TPH2: variants seen among roughly 807,000 people sequenced by gnomAD.
The protein encoded by TPH2 is tryptophan 5-hydroxylase 2.
A neutral mutation model predicts 59.1 loss-of-function variants in TPH2; 27 were observed. That is an observed-to-expected ratio of 0.46 (90% CI 0.34 to 0.63). The LOEUF (loss-of-function observed/expected upper bound fraction) is 0.63. Among genes scored for constraint, TPH2 ranks in the 30% least tolerant of loss-of-function variants. The pLI is 0.01. For missense variants in TPH2, 523 were observed against 588.3 expected (o/e 0.89, Z 1.15); for synonymous variants, 220 against 210.5 (o/e 1.05, Z -0.39).
chr12:72,025,877 G>A (rs956083254), intron 9 of TPH2, among the ~76,000 whole-genome samples: 15 of 151,982 alleles, frequency 9.9e-5, no homozygotes, highest in African/African-American at 2.4e-4. Flanking sequence ...TATGTCTATC[G>A]TTTTTTTGAT....
chr12:71,991,094 A>C (rs138868917), intron 7 of TPH2, among the ~76,000 whole-genome samples: 1 of 152,338 alleles, frequency 6.6e-6, no homozygotes, highest in African/African-American at 2.4e-5. Flanking sequence ...AGTGAGTTAC[A>C]GGTTTCTGAT....
chr12:71,949,245 G>A (rs1871280280), intron 4 of TPH2, among the ~76,000 whole-genome samples: 2 of 152,150 alleles, frequency 1.3e-5, no homozygotes, highest in Admixed American at 1.3e-4. Context: ...TTAATGAATA[G>A]GATAGGATTA....
chr12:72,023,440 C>A (rs1873478032), intron 9 of TPH2, among the ~76,000 whole-genome samples: 1 of 152,124 alleles, frequency 6.6e-6, no homozygotes, highest in African/African-American at 2.4e-5. Flanking sequence ...TTCATTCATT[C>A]ATTCATTCAT....
intron 8 of TPH2, among the ~76,000 whole-genome samples, chr12:72,007,655 C>A (rs1189506571): frequency 6.6e-6 from 1 of 152,048 alleles, no homozygotes; most frequent in Non-Finnish European, 1.5e-5. Flanking sequence ...GTCTAACTAG[C>A]AAAGTTTAAA....
Position 71,949,605 on chromosome 12 carries a change from C to CT in TPH2, c.559dup (p.Tyr187LeufsTer16). The CT allele has an allele frequency of 6.2e-7, 1 of 1,613,064 alleles. No individual in the cohort carries two copies. The highest frequency in any genetic ancestry group is 8.5e-7 in the Non-Finnish European group (1 of 1,179,250). On this transcript the variant is annotated frameshift_variant, in exon 5 of 11. Transcript: ENST00000333850. LOFTEE classifies it high-confidence loss of function. ...TGTTTAAGGGATTTAAGGACAATGT[C>CT]TATCGACAGAGAAGAAAGTATTTTG...
At chr12:71,983,479 A>T (rs1031063586) in intron 7 of TPH2, among the ~76,000 whole-genome samples, 1 of 152,162 alleles carries the variant, frequency 6.6e-6, no homozygotes, top group African/African-American at 2.4e-5. Context: ...GTTCCAAGTT[A>T]TGTAGGCATG....
chr12:72,018,701 G>A (rs956656839), intron 8 of TPH2, among the ~76,000 whole-genome samples: 1 of 152,166 alleles, frequency 6.6e-6, no homozygotes, highest in Non-Finnish European at 1.5e-5. Flanking sequence ...CGTGTCAGGT[G>A]TTGTAAGTGC....
At chr12:71,977,046 CT>C (rs1052242530) in intron 6 of TPH2, among the ~76,000 whole-genome samples, 1 of 151,932 alleles carries the variant, frequency 6.6e-6, no homozygotes, top group Admixed American at 6.6e-5. Flanking sequence ...GTCTAGAGGT[CT>C]TTTTTTATAA....
chr12:71,954,084 C>T (rs1330501963), intron 5 of TPH2, among the ~76,000 whole-genome samples: 3 of 152,060 alleles, frequency 2.0e-5, no homozygotes, highest in Admixed American at 1.3e-4. Context: ...AGAATAAACA[C>T]AAGCAGAGAA....
chr12:72,024,945 A>C (rs1291298767), intron 9 of TPH2, among the ~76,000 whole-genome samples: 1 of 152,168 alleles, frequency 6.6e-6, no homozygotes, highest in Non-Finnish European at 1.5e-5. Context: ...CCATTTTTAC[A>C]ATTCAGAAAT....
intron 8 of TPH2, among the ~76,000 whole-genome samples, chr12:72,011,724 C>G (rs937445990): frequency 6.6e-6 from 1 of 152,134 alleles, no homozygotes; most frequent in African/African-American, 2.4e-5. Flanking sequence ...ATGAAGGAGA[C>G]CAGAGACCAC....
Position 72,020,085 on chromosome 12 carries a change from T to A in TPH2, c.1069-2314T>A, listed in dbSNP as rs73146345. On this transcript the variant is annotated intron_variant, in intron 8 of 10. Transcript: ENST00000333850. ...AGACAATAGTCTAGATCAGTTGTTC[T>A]CAACCAAGGATGATGTTGCTCTTCT... Among the ~76,000 whole-genome samples the A allele has an allele frequency of 8.1e-3, 1,236 of 152,348 alleles. 7 individuals are homozygous for A. Among genetic ancestry groups the A allele is most frequent in the Non-Finnish European group, 0.015 (1,010 of 68,032 alleles).
chr12:71,960,374 G>A (rs1871644678), intron 5 of TPH2, among the ~76,000 whole-genome samples: 2 of 152,108 alleles, frequency 1.3e-5, no homozygotes, highest in Admixed American at 6.5e-5. Flanking sequence ...AAGTGACTTG[G>A]GTTTTTATAA....
intron 8 of TPH2, among the ~76,000 whole-genome samples, chr12:72,000,519 C>G (rs11834114): frequency 0.3 from 46,319 of 152,038 alleles, 7,307 homozygotes; most frequent in East Asian, 0.49. Flanking sequence ...GATCTCACAT[C>G]ATGCTGCTGC....
intron 7 of TPH2, among the ~76,000 whole-genome samples, chr12:71,993,792 C>T (rs977468964): frequency 3.9e-5 from 6 of 152,212 alleles, no homozygotes; most frequent in African/African-American, 1.4e-4. Flanking sequence ...AGTTGCAGTG[C>T]ACCTTAAGGG....
At chr12:71,999,012 C>T (rs1225046187) in intron 8 of TPH2, among the ~76,000 whole-genome samples, 1 of 152,112 alleles carries the variant, frequency 6.6e-6, no homozygotes, top group Non-Finnish European at 1.5e-5. Flanking sequence ...CTAGTGAAAG[C>T]AGACATGTAA....
At chr12:72,002,673 T>C (rs1176406585) in intron 8 of TPH2, among the ~76,000 whole-genome samples, 1 of 152,098 alleles carries the variant, frequency 6.6e-6, no homozygotes, top group African/African-American at 2.4e-5. Context: ...AAGAAACACA[T>C]TTTAGGAGAT....
chr12:72,003,105 A>C (rs2139229204), intron 8 of TPH2, among the ~76,000 whole-genome samples: 1 of 152,262 alleles, frequency 6.6e-6, no homozygotes, highest in South Asian at 2.1e-4. Context: ...GTCTTTGCCT[A>C]CCTGGCTGGG....
chr12:71,989,331 T>C (rs1872523309), intron 7 of TPH2, among the ~76,000 whole-genome samples: 1 of 152,226 alleles, frequency 6.6e-6, no homozygotes, highest in African/African-American at 2.4e-5. Flanking sequence ...GAAAGCAAAC[T>C]AAGTCACCTG....
Sources: allele counts gnomAD v4.1 joint callset (sites outside exome capture counted in the v4.1 genomes callset), GRCh38; gene constraint gnomAD v4.1.1; transcripts MANE v1.5; gene names NCBI Gene and HGNC (gene_info 2026-07-23, HGNC 2026-07-21).